The following TAX1BP1 variants were observed in gnomAD, a reference collection of about 807,000 sequenced individuals.
TAX1BP1 encodes tax1-binding protein 1.
TAX1BP1 carries 62 observed loss-of-function variants against 97.7 expected under a neutral mutation model. The ratio of observed to expected loss-of-function variants is 0.63; its 90% CI spans 0.52 to 0.78. The LOEUF (loss-of-function observed/expected upper bound fraction) is 0.78, where lower values mean the gene tolerates loss of function less well. Ranked by LOEUF, TAX1BP1 falls within the 30% of genes least tolerant of loss-of-function variation. The pLI, the probability that TAX1BP1 is intolerant of heterozygous loss-of-function variation, is 0.00. For synonymous variants in TAX1BP1, 340 were observed against 304.2 expected (o/e 1.12, Z -1.23); for missense variants, 867 against 916.1 (o/e 0.95, Z 0.69).
chr7:27,743,218 G>A (rs1787685826), intron 1 of TAX1BP1, among the ~76,000 whole-genome samples: 1 of 152,234 alleles, frequency 6.6e-6, no homozygotes, highest in African/African-American at 2.4e-5. Context: ...CTGCAAGGGT[G>A]CAAATTAATA....
rs191575745 is a variant in TAX1BP1, at chr7:27,808,369, G to A, written c.1765-7980G>A. On this transcript the variant is annotated intron_variant, in intron 13 of 16. Transcript: ENST00000396319. Reference sequence around the variant, plus strand: ...TAATTAGACTAGGAACCTGGTCTGAGTTTCCTTGATATATTTACTCAAGTG... The same window carrying A: ...TAATTAGACTAGGAACCTGGTCTGAATTTCCTTGATATATTTACTCAAGTG... 2.0e-5 allele frequency among the ~76,000 whole-genome samples: 3 copies of A among 152,248 alleles called. No homozygotes were observed. In the East Asian group the frequency reaches 5.8e-4, roughly 29 times the overall value.
intron 9 of TAX1BP1, 97 bp from the exon 10 acceptor site, chr7:27,792,967 CAA>C (rs752888862): frequency 8.5e-7 from 1 of 1,175,438 alleles, no homozygotes; most frequent in African/African-American, 1.6e-5. Context: ...GTCTCAAAAA[CAA>C]AAAAAAGAAA....
intron 12 of TAX1BP1, among the ~76,000 whole-genome samples, chr7:27,799,304 A>G (rs1790047462): frequency 6.6e-6 from 1 of 152,206 alleles, no homozygotes; most frequent in Non-Finnish European, 1.5e-5. Context: ...AAATGTTCCA[A>G]ATGGAATTGG....
chr7:27,761,971 C>T (rs563866922), intron 3 of TAX1BP1, among the ~76,000 whole-genome samples: 1 of 152,124 alleles, frequency 6.6e-6, no homozygotes, highest in Non-Finnish European at 1.5e-5. Flanking sequence ...CCTGTTGCTC[C>T]ACATTTTCAG....
chr7:27,794,172 G>C (rs1181882472), intron 10 of TAX1BP1, 151 bp from the exon 11 acceptor site: 1 of 624,932 alleles, frequency 1.6e-6, no homozygotes, highest in Non-Finnish European at 2.6e-6. Flanking sequence ...TATAACTTTA[G>C]TCTTTGTTGG....
At chr7:27,818,642 G>A in intron 15 of TAX1BP1, among the ~76,000 whole-genome samples, 1 of 152,134 alleles carries the variant, frequency 6.6e-6, no homozygotes, top group Non-Finnish European at 1.5e-5. Flanking sequence ...TCAATTGTCA[G>A]ATCAAAAACC....
rs1357907152 is a variant in TAX1BP1 at position 27,829,153 on chromosome 7, A to G, written c.*324A>G. ...AATGTTACTGCACTGAAAAACGTGT[A>G]TGTATTAGTGTGCTAGATTATTTAG... On this transcript the variant is annotated 3_prime_UTR_variant, in exon 17 of 17. Coordinates refer to ENST00000396319, the MANE Select transcript of TAX1BP1 (RefSeq NM_006024.7). The G allele has an allele frequency of 9.6e-6, 2 of 208,900 alleles. No individual in the cohort carries two copies. Among genetic ancestry groups the G allele is most frequent in the Non-Finnish European group, 1.9e-5 (2 of 105,678 alleles). 12.9% of individuals were successfully genotyped at this position (208,900 alleles called of 1,614,324 possible). A position where few individuals can be genotyped will look rare whatever the true frequency, so the allele number is the denominator to read the frequency against.
At chr7:27,771,954 A>G (rs1375837031) in intron 5 of TAX1BP1, 1 of 152,102 alleles carries the variant, frequency 6.6e-6, no homozygotes, top group Non-Finnish European at 1.5e-5. Context: ...AGGAAGGACT[A>G]CAATATAAAG....
In TAX1BP1 at chr7:27,800,095, G is replaced by A. The variant is rs1343283379; in HGVS notation, c.1764+5G>A. The A allele has an allele frequency of 8.9e-6, 14 of 1,565,356 alleles. No homozygotes were observed. The highest frequency in any genetic ancestry group is 1.2e-5 in the Non-Finnish European group (14 of 1,158,034). On this transcript the variant is annotated splice_donor_5th_base_variant and intron_variant, in intron 13 of 16. Transcript: ENST00000396319. Reference sequence around the variant, plus strand: ...GAAGTACAGGACAATTATAAAGTAAGTTTGGTACTCCTTGTATGTAAACTT... The same window carrying A: ...GAAGTACAGGACAATTATAAAGTAAATTTGGTACTCCTTGTATGTAAACTT...
intron 13 of TAX1BP1, among the ~76,000 whole-genome samples, chr7:27,803,759 A>G (rs746159263): frequency 6.6e-6 from 1 of 152,246 alleles, no homozygotes; most frequent in Non-Finnish European, 1.5e-5. Context: ...ATCCTTGGGT[A>G]CATGTCTTTT....
chr7:27,791,314 T>G (rs1562724284), intron 8 of TAX1BP1, among the ~76,000 whole-genome samples: 1 of 151,578 alleles, frequency 6.6e-6, no homozygotes, highest in Non-Finnish European at 1.5e-5. Context: ...TTGAATAAAC[T>G]AAATTTATTG....
chr7:27,826,643 T>C (rs760325253), intron 15 of TAX1BP1, among the ~76,000 whole-genome samples: 2 of 152,204 alleles, frequency 1.3e-5, no homozygotes, highest in Admixed American at 6.5e-5. Flanking sequence ...GTTTCAGTGT[T>C]AAATGAGCCT....
intron 3 of TAX1BP1, among the ~76,000 whole-genome samples, chr7:27,765,486 A>G (rs1220249866): frequency 6.6e-6 from 1 of 152,166 alleles, no homozygotes; most frequent in Non-Finnish European, 1.5e-5. Context: ...CCCCACTCCC[A>G]GTCCTCAGTA....
chr7:27,823,635 T>G (rs1791063280), intron 15 of TAX1BP1, among the ~76,000 whole-genome samples: 1 of 152,212 alleles, frequency 6.6e-6, no homozygotes, highest in Non-Finnish European at 1.5e-5. Context: ...TTTATTGTGG[T>G]AGAATAAATA....
intron 12 of TAX1BP1, among the ~76,000 whole-genome samples, chr7:27,797,304 A>AT (rs1789972767): frequency 6.6e-6 from 1 of 151,842 alleles, no homozygotes; most frequent in Admixed American, 6.6e-5. Flanking sequence ...GCCTATTTTG[A>AT]TTATTTTAAA....
chr7:27,763,732 C>CA (rs1788517169), intron 3 of TAX1BP1, among the ~76,000 whole-genome samples: 1 of 151,248 alleles, frequency 6.6e-6, no homozygotes, highest in Non-Finnish European at 1.5e-5. Flanking sequence ...CAGGCCACTG[C>CA]ACTCCAGCCT....
At chr7:27,748,298 A>T (rs1342347775) in intron 1 of TAX1BP1, among the ~76,000 whole-genome samples, 3 of 152,208 alleles carry the variant, frequency 2.0e-5, no homozygotes, top group Admixed American at 2.0e-4. Context: ...AAATGCCCAT[A>T]TAACTTTCTG....
intron 13 of TAX1BP1, among the ~76,000 whole-genome samples, chr7:27,803,770 T>C (rs1790231166): frequency 6.6e-6 from 1 of 152,250 alleles, no homozygotes; most frequent in Non-Finnish European, 1.5e-5. Context: ...CATGTCTTTT[T>C]AGTATTCTGT....
chr7:27,822,261 T>G (rs1030531701), intron 15 of TAX1BP1, among the ~76,000 whole-genome samples: 12 of 152,218 alleles, frequency 7.9e-5, no homozygotes, highest in Admixed American at 3.3e-4. Context: ...CATTCATGTG[T>G]TAGACATTTG....
Sources: gnomAD v4.1 joint callset for allele counts (sites outside exome capture counted in the v4.1 genomes callset) on GRCh38, gnomAD v4.1.1 for gene constraint, MANE v1.5 for transcripts, NCBI Gene and HGNC (gene_info 2026-07-23, HGNC 2026-07-21) for gene names.